PDE3A: variants seen among roughly 807,000 people sequenced by gnomAD.
PDE3A encodes the protein cGMP-inhibited 3',5'-cyclic phosphodiesterase 3A.
Under a neutral mutation model 98.3 loss-of-function variants are expected in PDE3A, and 43 were observed. That is an observed-to-expected ratio of 0.44 (90% CI 0.34 to 0.56). The LOEUF is 0.56. Among genes scored for constraint, PDE3A ranks in the 20% least tolerant of loss-of-function variants. The pLI, the probability that PDE3A is intolerant of heterozygous loss-of-function variation, is 0.01. For missense variants in PDE3A, 1,427 were observed against 1,440.7 expected (o/e 0.99, Z 0.15); for synonymous variants, 663 against 567.9 (o/e 1.17, Z -2.38).
chr12:20,513,930 A>G (rs1946272296), intron 1 of PDE3A, among the ~76,000 whole-genome samples: 1 of 152,220 alleles, frequency 6.6e-6, no homozygotes, highest in Admixed American at 6.5e-5. Context: ...GAAGAAAAAA[A>G]GAGGTAGTGA....
intron 1 of PDE3A, among the ~76,000 whole-genome samples, chr12:20,508,297 C>T (rs887815610): frequency 5.9e-5 from 9 of 152,012 alleles, no homozygotes; most frequent in African/African-American, 2.2e-4. Flanking sequence ...AACCCCACCC[C>T]CCATAATACC....
intron 1 of PDE3A, among the ~76,000 whole-genome samples, chr12:20,453,861 C>T (rs1945110431): frequency 6.6e-6 from 1 of 152,118 alleles, no homozygotes; most frequent in African/African-American, 2.4e-5. Flanking sequence ...ACACAGTTAC[C>T]ATCATCTGTT....
chr12:20,482,295 A>C (rs943984161), intron 1 of PDE3A, among the ~76,000 whole-genome samples: 1 of 152,088 alleles, frequency 6.6e-6, no homozygotes, highest in African/African-American at 2.4e-5. Context: ...ATAGGAACAC[A>C]AATATTTTTG....
intron 1 of PDE3A, among the ~76,000 whole-genome samples, chr12:20,515,445 C>G (rs1487799961): frequency 6.6e-6 from 1 of 152,104 alleles, no homozygotes; most frequent in East Asian, 1.9e-4. Flanking sequence ...CTTAAAAAGT[C>G]CACTTTACAC....
chr12:20,571,773 T>A (rs1942806288), intron 2 of PDE3A: 2 of 235,064 alleles, frequency 8.5e-6, no homozygotes, highest in Admixed American at 6.5e-5. Context: ...TCGTAACACA[T>A]TTTACATCCA....
At chr12:20,407,632 C>T (rs1487125472) in intron 1 of PDE3A, among the ~76,000 whole-genome samples, 1 of 152,024 alleles carries the variant, frequency 6.6e-6, no homozygotes, top group East Asian at 1.9e-4. Flanking sequence ...GAAGATATAC[C>T]AGCATTCCCA....
intron 2 of PDE3A, among the ~76,000 whole-genome samples, chr12:20,558,247 A>G (rs1451514086): frequency 6.6e-6 from 1 of 151,992 alleles, no homozygotes; most frequent in Non-Finnish European, 1.5e-5. Flanking sequence ...GTTTTTGTTA[A>G]CTTTCAGTAT....
chr12:20,508,465 G>C (rs116588317), intron 1 of PDE3A, among the ~76,000 whole-genome samples: 1,567 of 151,264 alleles, frequency 0.01, 33 homozygotes, highest in African/African-American at 0.036. Context: ...ATCTAGAACA[G>C]TGTCTGGTAC....
intron 3 of PDE3A, among the ~76,000 whole-genome samples, chr12:20,614,388 CAGT>C (rs1943948330): frequency 6.6e-6 from 1 of 152,124 alleles, no homozygotes; most frequent in Admixed American, 6.6e-5. Context: ...AAATCAGTGT[CAGT>C]GGTCTCTGGT....
At chr12:20,572,449 G>A (rs1221079227) in intron 2 of PDE3A, among the ~76,000 whole-genome samples, 1 of 151,922 alleles carries the variant, frequency 6.6e-6, no homozygotes, top group Non-Finnish European at 1.5e-5. Flanking sequence ...TATTAACTTA[G>A]AACTGTTCAC....
At chr12:20,623,532 T>C (rs1391716937) in intron 5 of PDE3A, among the ~76,000 whole-genome samples, 1 of 152,080 alleles carries the variant, frequency 6.6e-6, no homozygotes, top group East Asian at 1.9e-4. Context: ...TAAAATTTTG[T>C]GCCTGGCAGA....
chr12:20,613,737 T>A lies in PDE3A; in HGVS notation c.1269+37T>A, dbSNP rs562832896. ...TGACATACCCCTTAAAGGGTTAAAC[T>A]ATTTTTTTTAATTGTCTTCTAGGTC... On this transcript the variant is annotated intron_variant, in intron 3 of 15. Transcript: ENST00000359062. The A allele has an allele frequency of 1.9e-6, 3 of 1,562,140 alleles. No individual in the cohort carries two copies. In the African/African-American group the frequency reaches 4.1e-5, roughly 21 times the overall value.
intron 1 of PDE3A, among the ~76,000 whole-genome samples, chr12:20,500,803 T>C (rs1946010740): frequency 6.6e-6 from 1 of 150,924 alleles, no homozygotes; most frequent in Non-Finnish European, 1.5e-5. Flanking sequence ...GGTCTTGCTC[T>C]GTTGCCCAGG....
chr12:20,543,570 T>C (rs1941977752), intron 1 of PDE3A, among the ~76,000 whole-genome samples: 1 of 152,068 alleles, frequency 6.6e-6, no homozygotes, highest in African/African-American at 2.4e-5. Flanking sequence ...TTCAGTAGAC[T>C]TCATGGTCAT....
intron 1 of PDE3A, among the ~76,000 whole-genome samples, chr12:20,490,643 G>A (rs1179666400): frequency 6.6e-6 from 1 of 152,132 alleles, no homozygotes; most frequent in Admixed American, 6.5e-5. Flanking sequence ...TTACTATATT[G>A]AACATCAGCA....
At chr12:20,513,100 T>G (rs993455319) in intron 1 of PDE3A, among the ~76,000 whole-genome samples, 2 of 152,174 alleles carry the variant, frequency 1.3e-5, no homozygotes, top group African/African-American at 4.8e-5. Context: ...ACATAATGTA[T>G]GCCCTTGAGC....
intron 1 of PDE3A, among the ~76,000 whole-genome samples, chr12:20,397,258 G>A (rs1032690565): frequency 4.0e-5 from 6 of 151,854 alleles, no homozygotes; most frequent in Non-Finnish European, 7.4e-5. Flanking sequence ...CTCTCTATAT[G>A]TCTTTATATA....
chr12:20,594,931 T>C (rs980770436), intron 2 of PDE3A, among the ~76,000 whole-genome samples: 1 of 152,116 alleles, frequency 6.6e-6, no homozygotes, highest in Non-Finnish European at 1.5e-5. Flanking sequence ...CGATACATTA[T>C]AAAATTTTAT....
intron 15 of PDE3A, among the ~76,000 whole-genome samples, chr12:20,677,904 T>A (rs1945682399): frequency 6.6e-6 from 1 of 151,288 alleles, no homozygotes; most frequent in African/African-American, 2.5e-5. Flanking sequence ...ATTCCTTCAG[T>A]GGCTTAGAGT....
Sources: allele counts gnomAD v4.1 joint callset (sites outside exome capture counted in the v4.1 genomes callset), GRCh38; gene constraint gnomAD v4.1.1; transcripts MANE v1.5; gene names NCBI Gene and HGNC (gene_info 2026-07-23, HGNC 2026-07-21).